Variants in CTNNA2 observed in about 807,000 individuals in gnomAD.
CTNNA2 encodes catenin alpha-2.
Under a neutral mutation model 101.0 loss-of-function variants are expected in CTNNA2, and 42 were observed. The observed-to-expected ratio is 0.42, with a 90% CI of 0.32 to 0.54. CTNNA2 has a LOEUF of 0.54. Among genes scored for constraint, CTNNA2 ranks in the 20% least tolerant of loss-of-function variants. The pLI is 0.14. For synonymous variants in CTNNA2, 450 were observed against 456.4 expected, an observed-to-expected ratio of 0.99 and a Z score of 0.18; for missense variants, 871 against 1,223.1, an observed-to-expected ratio of 0.71 and a Z score of 4.29.
At chr2:80,080,948 T>TAAAAAAAAA (rs79785271) in intron 7 of CTNNA2, among the ~76,000 whole-genome samples, 2 of 87,588 alleles carry the variant, frequency 2.3e-5, no homozygotes, top group African/African-American at 4.8e-5. Context: ...TTCTCCCACT[T>TAAAAAAAAA]AAAAAAAAAA....
chr2:80,118,316 C>T (rs762723168), intron 7 of CTNNA2, among the ~76,000 whole-genome samples: 53 of 152,272 alleles, frequency 3.5e-4, no homozygotes, highest in Middle Eastern at 3.4e-3. Flanking sequence ...TAGGGCAAGT[C>T]GTCATTGGAA....
intron 2 of CTNNA2, among the ~76,000 whole-genome samples, chr2:79,305,338 A>G (rs886570398): frequency 2.1e-5 from 3 of 145,862 alleles, no homozygotes; most frequent in Non-Finnish European, 4.5e-5. Flanking sequence ...ATATATACAT[A>G]TATACATACA....
At chr2:79,457,073 G>T (rs1327210794) in intron 4 of CTNNA2, among the ~76,000 whole-genome samples, 1 of 151,784 alleles carries the variant, frequency 6.6e-6, no homozygotes, top group Non-Finnish European at 1.5e-5. Context: ...GCGGTGGCGG[G>T]CGCCTGTAGT....
intron 7 of CTNNA2, among the ~76,000 whole-genome samples, chr2:79,929,378 G>T (rs2104412188): frequency 6.6e-6 from 1 of 152,298 alleles, no homozygotes; most frequent in South Asian, 2.1e-4. Context: ...GAAAAAAAGG[G>T]ACGTATTCCG....
At chr2:80,413,165 G>C (rs1179669819) in intron 8 of CTNNA2, among the ~76,000 whole-genome samples, 2 of 152,184 alleles carry the variant, frequency 1.3e-5, no homozygotes, top group Admixed American at 1.3e-4. Flanking sequence ...TGATCTGGCT[G>C]TTGATCTGGC....
chr2:80,306,400 T>TTTCTTTCTTTCTTTCTTTC (rs201581568), intron 7 of CTNNA2, among the ~76,000 whole-genome samples: 3 of 109,200 alleles, frequency 2.7e-5, no homozygotes, highest in African/African-American at 1.2e-4. Context: ...TTTTCTTTTC[T>TTTCTTTCTTTCTTTCTTTC]TTTCTTTCTT....
chr2:80,489,751 G>A (rs1045393755), intron 9 of CTNNA2, among the ~76,000 whole-genome samples: 3 of 152,142 alleles, frequency 2.0e-5, no homozygotes, highest in Non-Finnish European at 4.4e-5. Flanking sequence ...AGTAGCATCA[G>A]TTCAAGATGT....
At chr2:80,332,311 A>G (rs991550638) in intron 7 of CTNNA2, among the ~76,000 whole-genome samples, 4 of 152,128 alleles carry the variant, frequency 2.6e-5, no homozygotes, top group African/African-American at 7.2e-5. Context: ...CTCACCTCCC[A>G]TGAAGCTGGC....
At chr2:80,255,266 C>T (rs1672056415) in intron 7 of CTNNA2, among the ~76,000 whole-genome samples, 1 of 152,016 alleles carries the variant, frequency 6.6e-6, no homozygotes, top group African/African-American at 2.4e-5. Flanking sequence ...TCATATGAAC[C>T]CAGGGGGTTA....
chr2:79,682,199 G>C (rs1253921931), intron 2 of CTNNA2, among the ~76,000 whole-genome samples: 1 of 151,886 alleles, frequency 6.6e-6, no homozygotes, highest in Non-Finnish European at 1.5e-5. Context: ...ACGAGGTCAG[G>C]AGATCGAGAC....
At chr2:79,955,261 T>C (rs1333536187) in intron 7 of CTNNA2, among the ~76,000 whole-genome samples, 2 of 152,336 alleles carry the variant, frequency 1.3e-5, no homozygotes, top group East Asian at 1.9e-4. Context: ...TCAAGATCTC[T>C]CTTCCCTTCA....
At chr2:79,889,262 C>G (rs1239683847) in intron 6 of CTNNA2, among the ~76,000 whole-genome samples, 2 of 152,216 alleles carry the variant, frequency 1.3e-5, no homozygotes, top group African/African-American at 2.4e-5. Flanking sequence ...AACGTATTTC[C>G]TGAACTTCTT....
chr2:80,509,092 G>T (rs2149548180), intron 9 of CTNNA2, among the ~76,000 whole-genome samples: 1 of 152,268 alleles, frequency 6.6e-6, no homozygotes, highest in South Asian at 2.1e-4. Flanking sequence ...TGCTCAGGAG[G>T]CTGTTCACTC....
chr2:80,075,642 A>G (rs1209959507), intron 7 of CTNNA2, among the ~76,000 whole-genome samples: 4 of 106,534 alleles, frequency 3.8e-5, no homozygotes, highest in African/African-American at 7.7e-5. Flanking sequence ...ACATGTATAA[A>G]TATTATAAAA....
At chr2:80,547,438 T>C (rs1417548826) in intron 11 of CTNNA2, among the ~76,000 whole-genome samples, 1 of 152,180 alleles carries the variant, frequency 6.6e-6, no homozygotes, top group Non-Finnish European at 1.5e-5. Flanking sequence ...ATCATCCTCT[T>C]TTCAGAAACT....
Position 79,814,573 on chromosome 2 carries a change from C to G in CTNNA2, c.299-43440C>G, listed in dbSNP as rs532645862. ...CAAATGCCATTAATTCATTCCTTTT[C>G]ATGGCTGTGTAGTATTCCATTATAT... On this transcript the variant is annotated intron_variant, in intron 3 of 18. Coordinates refer to ENST00000402739, the MANE Select transcript of CTNNA2 (RefSeq NM_001282597.3). 9.9e-5 allele frequency among the ~76,000 whole-genome samples: 15 copies of G among 151,576 alleles called. 1 individual carries two copies. The South Asian group carries it at 3.1e-3, about 32-fold the overall frequency.
At chr2:80,342,946 C>T (rs541498632) in intron 7 of CTNNA2, among the ~76,000 whole-genome samples, 2 of 152,302 alleles carry the variant, frequency 1.3e-5, no homozygotes, top group African/African-American at 2.4e-5. Context: ...TCTCTCCTAG[C>T]TTCTGGTAGC....
At position 80,066,119 on chromosome 2, in the gene CTNNA2, C is replaced by A. The variant is rs181875693; in HGVS notation, c.1056+156322C>A. Among the ~76,000 whole-genome samples the A allele has an allele frequency of 3.7e-4, 56 of 152,256 alleles. No homozygotes were observed. In the East Asian group the frequency reaches 8.5e-3, roughly 23 times the overall value. ...GCATCCAGACTTTTGTTTAAAATTA[C>A]CCTCACATTGAGTAGAGTTGACTTG... On this transcript the variant is annotated intron_variant, in intron 7 of 18. Transcript: ENST00000402739.
At chr2:79,403,737 A>G (rs780916390) in intron 4 of CTNNA2, among the ~76,000 whole-genome samples, 1 of 152,054 alleles carries the variant, frequency 6.6e-6, no homozygotes, top group Non-Finnish European at 1.5e-5. Context: ...GGTTAGACCC[A>G]TTTGACTAAC....
Sources: gnomAD v4.1 joint callset for allele counts (sites outside exome capture counted in the v4.1 genomes callset) on GRCh38, gnomAD v4.1.1 for gene constraint, MANE v1.5 for transcripts, NCBI Gene and HGNC (gene_info 2026-07-23, HGNC 2026-07-21) for gene names.